Variants in GRID2 observed in about 807,000 individuals in gnomAD.
The protein encoded by GRID2 is glutamate receptor ionotropic, delta-2.
Under a neutral mutation model 114.8 loss-of-function variants are expected in GRID2, and 33 were observed. The ratio of observed to expected loss-of-function variants is 0.29; its 90% CI spans 0.22 to 0.38. The LOEUF (loss-of-function observed/expected upper bound fraction) is 0.38. Ranked by LOEUF, GRID2 falls within the 10% of genes least tolerant of loss-of-function variation. The probability of loss-of-function intolerance (pLI) is 1.00; values close to 1 mark genes in which losing one functional copy is unlikely to be tolerated. For missense variants in GRID2, 1,184 were observed against 1,257.7 expected, an observed-to-expected ratio of 0.94 and a Z score of 0.89; for synonymous variants, 505 against 449.9, an observed-to-expected ratio of 1.12 and a Z score of -1.55.
intron 1 of GRID2, among the ~76,000 whole-genome samples, chr4:92,363,203 C>G (rs187902045): frequency 6.6e-6 from 1 of 152,122 alleles, no homozygotes; most frequent in Admixed American, 6.6e-5. Context: ...TGTACCAAAT[C>G]AGAAGCTATA....
intron 8 of GRID2, among the ~76,000 whole-genome samples, chr4:93,246,530 T>C (rs1412471490): frequency 1.3e-5 from 2 of 148,918 alleles, no homozygotes; most frequent in African/African-American, 5.0e-5. Context: ...GAGCTTGCAG[T>C]GAGCCGAGAT....
intron 13 of GRID2, among the ~76,000 whole-genome samples, chr4:93,535,139 T>A (rs1188340099): frequency 6.6e-6 from 1 of 151,824 alleles, no homozygotes; most frequent in African/African-American, 2.4e-5. Flanking sequence ...GTCTGGCTGC[T>A]TTCCTCTAGG....
chr4:92,647,732 T>C (rs1731720776), intron 2 of GRID2, among the ~76,000 whole-genome samples: 1 of 149,692 alleles, frequency 6.7e-6, no homozygotes, highest in Non-Finnish European at 1.5e-5. Flanking sequence ...TAAAAAGAAA[T>C]CTTATTTTCT....
chr4:93,648,254 T>C (rs1182763396), intron 14 of GRID2, among the ~76,000 whole-genome samples: 1 of 152,146 alleles, frequency 6.6e-6, no homozygotes, highest in African/African-American at 2.4e-5. Context: ...GTGGAACGTA[T>C]GAGACAGAAG....
chr4:92,901,169 T>C (rs929408313), intron 2 of GRID2, among the ~76,000 whole-genome samples: 2 of 152,212 alleles, frequency 1.3e-5, no homozygotes, highest in African/African-American at 2.4e-5. Flanking sequence ...TCCATAGATG[T>C]TGTATTAATT....
At chr4:92,586,820 T>C (rs1052745981) in intron 1 of GRID2, among the ~76,000 whole-genome samples, 1 of 152,012 alleles carries the variant, frequency 6.6e-6, no homozygotes, top group African/African-American at 2.4e-5. Context: ...AACATTAATA[T>C]TTTTCTAAGA....
intron 8 of GRID2, among the ~76,000 whole-genome samples, chr4:93,245,042 A>G (rs1277082747): frequency 2.6e-5 from 4 of 152,102 alleles, no homozygotes; most frequent in Admixed American, 1.3e-4. Context: ...AATCTAGAAA[A>G]TATTGTGAAT....
At chr4:92,890,381 A>C (rs1006857706) in intron 2 of GRID2, among the ~76,000 whole-genome samples, 1 of 152,180 alleles carries the variant, frequency 6.6e-6, no homozygotes, top group Non-Finnish European at 1.5e-5. Context: ...ACAAAAGTCT[A>C]GTATCCAGAA....
intron 4 of GRID2, among the ~76,000 whole-genome samples, chr4:93,126,747 G>A (rs1311660125): frequency 1.3e-5 from 2 of 150,274 alleles, no homozygotes; most frequent in African/African-American, 2.5e-5. Flanking sequence ...ACAGGCGCCC[G>A]CTACCACGCC....
At chr4:92,384,515 TATTATATA>T in intron 1 of GRID2, among the ~76,000 whole-genome samples, 1 of 34,212 alleles carries the variant, frequency 2.9e-5, no homozygotes, top group Admixed American at 7.7e-4. Flanking sequence ...TTATATATAA[TATTATATA>T]ATATAATATA....
intron 8 of GRID2, among the ~76,000 whole-genome samples, chr4:93,299,081 C>T (rs1754599954): frequency 1.3e-5 from 2 of 152,128 alleles, no homozygotes; most frequent in Non-Finnish European, 2.9e-5. Context: ...AAACAAGTCA[C>T]TGCTATAAGG....
intron 1 of GRID2, among the ~76,000 whole-genome samples, chr4:92,452,318 G>T (rs1720969058): frequency 6.6e-6 from 1 of 150,932 alleles, no homozygotes; most frequent in Non-Finnish European, 1.5e-5. Flanking sequence ...AATCTGTTTA[G>T]ATTTTTTTTT....
intron 1 of GRID2, among the ~76,000 whole-genome samples, chr4:92,352,191 T>C (rs1357808394): frequency 2.0e-5 from 3 of 151,892 alleles, no homozygotes; most frequent in African/African-American, 2.4e-5. Flanking sequence ...CCATTCTAAC[T>C]GGGGTGAGAT....
At chr4:93,687,615 A>T (rs1726186809) in intron 14 of GRID2, among the ~76,000 whole-genome samples, 1 of 152,062 alleles carries the variant, frequency 6.6e-6, no homozygotes, top group Non-Finnish European at 1.5e-5. Context: ...TTAACAAATA[A>T]GATTTAGAAT....
At chr4:92,906,191 A>T (rs1253757930) in intron 2 of GRID2, among the ~76,000 whole-genome samples, 1 of 151,170 alleles carries the variant, frequency 6.6e-6, no homozygotes, top group African/African-American at 2.4e-5. Flanking sequence ...CAAATTGATT[A>T]TTTGAAAATT....
chr4:92,933,115 T>A lies in GRID2; in HGVS notation c.245-151880T>A, dbSNP rs933036225. ...ATTCAAATACAACTGATAAGAATTA[T>A]AGAAAATGTGGACAATATGTACAAT... On this transcript the variant is annotated intron_variant, in intron 2 of 15. Coordinates refer to ENST00000282020, the MANE Select transcript of GRID2 (RefSeq NM_001510.4). Among the ~76,000 whole-genome samples, 8 of 150,896 alleles carry A rather than the reference T, an allele frequency of 5.3e-5. No homozygotes were observed. In the South Asian group the frequency reaches 1.5e-3, roughly 27 times the overall value.
chr4:93,564,792 T>C (rs906168827), intron 13 of GRID2, among the ~76,000 whole-genome samples: 2 of 151,972 alleles, frequency 1.3e-5, no homozygotes, highest in Admixed American at 1.3e-4. Context: ...TAAAGAAGGG[T>C]TTGTGAAATT....
At chr4:92,977,598 A>G (rs1331185815) in intron 2 of GRID2, among the ~76,000 whole-genome samples, 51 of 152,180 alleles carry the variant, frequency 3.4e-4, no homozygotes, top group Admixed American at 3.3e-3. Context: ...AATTTTATAG[A>G]GAATGTTCTG....
intron 1 of GRID2, among the ~76,000 whole-genome samples, chr4:92,342,757 C>T (rs1446559266): frequency 2.6e-5 from 4 of 152,170 alleles, no homozygotes; most frequent in African/African-American, 9.6e-5. Context: ...GATTTTCAGG[C>T]AATCTGTTCA....
Sources: gnomAD v4.1 joint callset for allele counts (sites outside exome capture counted in the v4.1 genomes callset) on GRCh38, gnomAD v4.1.1 for gene constraint, MANE v1.5 for transcripts, NCBI Gene and HGNC (gene_info 2026-07-23, HGNC 2026-07-21) for gene names.